CPS1: variants seen among roughly 807,000 people sequenced by gnomAD.
CPS1 encodes carbamoyl-phosphate synthase 1.
CPS1 carries 109 observed loss-of-function variants against 174.6 expected under a neutral mutation model. That is an observed-to-expected ratio of 0.62 (90% CI 0.53 to 0.73). The LOEUF (loss-of-function observed/expected upper bound fraction) is 0.73. CPS1 is among the 30% of genes least tolerant of loss of function. The pLI is 0.00. For synonymous variants in CPS1, 637 were observed against 632.0 expected (o/e 1.01, Z -0.12); for missense variants, 1,689 against 1,821.9 (o/e 0.93, Z 1.33).
At chr2:210,595,988 G>A (rs1698469840) in intron 13 of CPS1, among the ~76,000 whole-genome samples, 1 of 151,904 alleles carries the variant, frequency 6.6e-6, no homozygotes. Context: ...GGGCATCTCT[G>A]TGGTTGAAAT....
intron 1 of CPS1, among the ~76,000 whole-genome samples, chr2:210,498,736 C>A (rs941159789): frequency 6.6e-6 from 1 of 152,146 alleles, no homozygotes; most frequent in African/African-American, 2.4e-5. Flanking sequence ...TGGAAGGCAG[C>A]CTAAATTCTT....
intron 6 of CPS1, among the ~76,000 whole-genome samples, chr2:210,585,377 A>C (rs1433977348): frequency 6.6e-6 from 1 of 152,028 alleles, no homozygotes; most frequent in Non-Finnish European, 1.5e-5. Flanking sequence ...CATTATTACT[A>C]ATAACTGTAA....
At chr2:210,546,245 T>C (rs1178387258) in intron 1 of CPS1, among the ~76,000 whole-genome samples, 4 of 152,088 alleles carry the variant, frequency 2.6e-5, no homozygotes, top group Non-Finnish European at 5.9e-5. Context: ...TTATTACTTA[T>C]GGACTATGAG....
chr2:210,527,694 C>T (rs115669804), intron 1 of CPS1, among the ~76,000 whole-genome samples: 2,452 of 151,666 alleles, frequency 0.016, 54 homozygotes, highest in African/African-American at 0.051. Flanking sequence ...TGTTATTGTC[C>T]ATCTTATGGA....
At chr2:210,541,677 T>A (rs1457900683) in intron 1 of CPS1, among the ~76,000 whole-genome samples, 1 of 152,214 alleles carries the variant, frequency 6.6e-6, no homozygotes, top group Non-Finnish European at 1.5e-5. Flanking sequence ...AGAACTTTAT[T>A]TAAACCAGTA....
intron 21 of CPS1, among the ~76,000 whole-genome samples, chr2:210,629,126 A>G (rs960114374): frequency 1.3e-5 from 2 of 152,186 alleles, no homozygotes; most frequent in Admixed American, 6.5e-5. Context: ...TCTTATATTC[A>G]GGGGAAAATC....
intron 23 of CPS1, among the ~76,000 whole-genome samples, chr2:210,639,618 CAAA>C (rs397987630): frequency 2.2e-4 from 7 of 32,058 alleles, no homozygotes; most frequent in Admixed American, 4.0e-4. Flanking sequence ...GACTCCGTCT[CAAA>C]AAAAAAAAAA....
intron 1 of CPS1, among the ~76,000 whole-genome samples, chr2:210,550,997 G>A (rs1696715458): frequency 6.6e-6 from 1 of 151,704 alleles, no homozygotes; most frequent in Non-Finnish European, 1.5e-5. Context: ...TCTAAGTTCT[G>A]CTTTCTATAT....
rs556710874 is a variant in CPS1, at chr2:210,499,582, C to T, written c.3+21816C>T. Among the ~76,000 whole-genome samples the T allele has an allele frequency of 3.3e-5, 5 of 152,310 alleles. No individual in the cohort carries two copies. The South Asian group carries it at 6.2e-4, about 19-fold the overall frequency. ...AAGAATGGCTGACTTTGTATGCACTCGGGTTAAAAACGGCATCCTGCTTTC... is the reference window on the plus strand; with the variant it reads ...AAGAATGGCTGACTTTGTATGCACTTGGGTTAAAAACGGCATCCTGCTTTC... On this transcript the variant is annotated intron_variant, in intron 1 of 38. Transcript: ENST00000430249.
At chr2:210,553,136 T>A (rs1450719236), upstream of CPS1, among the ~76,000 whole-genome samples, 1 of 151,450 alleles carries the variant, frequency 6.6e-6, no homozygotes, top group Non-Finnish European at 1.5e-5. Flanking sequence ...AAAAGAACTT[T>A]GTAATAACAT....
chr2:210,559,766 A>G (rs1400598336), intron 1 of CPS1, among the ~76,000 whole-genome samples: 1 of 152,146 alleles, frequency 6.6e-6, no homozygotes, highest in Non-Finnish European at 1.5e-5. Context: ...TGGACAAGTC[A>G]CATATTCTCT....
chr2:210,582,731 T>A (rs1449746008), intron 6 of CPS1, 22 bp downstream of exon 6: 3 of 1,566,644 alleles, frequency 1.9e-6, no homozygotes, highest in Non-Finnish European at 1.8e-6. Flanking sequence ...TCCTTTATAT[T>A]TTGTAGTTTT....
At chr2:210,608,788 A>T (rs991503299) in intron 19 of CPS1, among the ~76,000 whole-genome samples, 11 of 151,902 alleles carry the variant, frequency 7.2e-5, no homozygotes, top group Admixed American at 7.2e-4. Context: ...GCTGGATTTG[A>T]AGGTCTTCCT....
At chr2:210,550,587 G>A (rs1296972603) in intron 1 of CPS1, among the ~76,000 whole-genome samples, 1 of 151,968 alleles carries the variant, frequency 6.6e-6, no homozygotes, top group East Asian at 1.9e-4. Context: ...GGATCAACAA[G>A]TGGCAAGTAC....
intron 1 of CPS1, among the ~76,000 whole-genome samples, chr2:210,504,023 A>AT (rs895871435): frequency 1.7e-4 from 25 of 150,132 alleles, no homozygotes; most frequent in Admixed American, 4.7e-4. Context: ...ATGTGTTGTG[A>AT]TTTTTTTTTT....
chr2:210,577,945 A>G (rs1295150102), intron 4 of CPS1, among the ~76,000 whole-genome samples: 1 of 152,034 alleles, frequency 6.6e-6, no homozygotes, highest in Non-Finnish European at 1.5e-5. Flanking sequence ...ATTCTATGCA[A>G]TACTTGCATC....
rs889511224 is a variant in CPS1, at chr2:210,647,958, C to T, written c.3237C>T (p.Ser1079=). The T allele has an allele frequency of 1.9e-6, 3 of 1,614,042 alleles. No homozygotes were observed. Among genetic ancestry groups the T allele is most frequent in the Non-Finnish European group, 2.5e-6 (3 of 1,179,950 alleles). Residue 1079 remains serine, a synonymous_variant, in exon 26 of 38, where the codon AGC becomes AGT. Coordinates refer to ENST00000233072, the MANE Select transcript of CPS1 (RefSeq NM_001875.5). ...ATGGTGTCAAGATCATGGGCACAAGCCCCCTGCAGATCGACAGGGCTGAGG... is the reference window on the plus strand; with the variant it reads ...ATGGTGTCAAGATCATGGGCACAAGTCCCCTGCAGATCGACAGGGCTGAGG... ...YKNGVKIMGT[S]PLQIDRAEDR... is the part of the protein sequence containing the mutation.
rs915243507 is a variant in CPS1, at chr2:210,594,357, T to G, written c.1165-151T>G. The G allele has an allele frequency of 1.5e-4, 96 of 627,160 alleles. 3 individuals carry two copies. The South Asian group carries it at 1.7e-3, about 11-fold the overall frequency. The allele number at this position is 627,160 out of a possible 1,614,324, so 38.8% of individuals were successfully genotyped here. On this transcript the variant is annotated intron_variant, in intron 11 of 37. Transcript: ENST00000233072. Reference sequence around the variant, plus strand: ...AATTCTCACACTAACAGATATTTAGTTATTGACAAAAAAGCAAAAAAAGCT... The same window carrying G: ...AATTCTCACACTAACAGATATTTAGGTATTGACAAAAAAGCAAAAAAAGCT...
At chr2:210,642,815 T>A in intron 25 of CPS1, 150 bp downstream of exon 25, 1 of 741,836 alleles carries the variant, frequency 1.3e-6, no homozygotes, top group Non-Finnish European at 2.2e-6. Flanking sequence ...TATTTTGTAG[T>A]AAAACTCTAA....
Sources: allele counts gnomAD v4.1 joint callset (sites outside exome capture counted in the v4.1 genomes callset), GRCh38; gene constraint gnomAD v4.1.1; transcripts MANE v1.5; gene names NCBI Gene and HGNC (gene_info 2026-07-23, HGNC 2026-07-21).